Variants in ANKH observed in about 807,000 individuals in gnomAD.
ANKH encodes the protein mineralization regulator ANKH.
Under a neutral mutation model 49.0 loss-of-function variants are expected in ANKH, and 15 were observed. That is an observed-to-expected ratio of 0.31 (90% confidence interval 0.20 to 0.47). The LOEUF (loss-of-function observed/expected upper bound fraction) is 0.47. Among genes scored for constraint, ANKH ranks in the 20% least tolerant of loss-of-function variants. The pLI, the probability that ANKH is intolerant of heterozygous loss-of-function variation, is 1.00. For missense variants in ANKH, 429 were observed against 652.0 expected (o/e 0.66, Z 3.72); for synonymous variants, 273 against 260.0 (o/e 1.05, Z -0.48).
At chr5:14,833,897 C>A (rs911244170) in intron 1 of ANKH, among the ~76,000 whole-genome samples, 2 of 152,172 alleles carry the variant, frequency 1.3e-5, no homozygotes, top group African/African-American at 2.4e-5. Context: ...CATATTAAAA[C>A]CCTTTTCAGT....
At chr5:14,843,690 C>A (rs994107289) in intron 1 of ANKH, among the ~76,000 whole-genome samples, 4 of 152,008 alleles carry the variant, frequency 2.6e-5, no homozygotes, top group Admixed American at 6.6e-5. Context: ...GCTTAACATG[C>A]GTTTCTCTCC....
chr5:14,798,512 A>T, intron 1 of ANKH: 1 of 838,696 alleles, frequency 1.2e-6, no homozygotes. Flanking sequence ...TAATTAACAA[A>T]TTGAAGGTTT....
intron 1 of ANKH, among the ~76,000 whole-genome samples, chr5:14,778,706 A>G (rs1044978079): frequency 6.6e-6 from 1 of 151,966 alleles, no homozygotes; most frequent in African/African-American, 2.4e-5. Flanking sequence ...TGCAGCCTAC[A>G]CTTCAGGGTC....
At chr5:14,749,120 C>A in intron 6 of ANKH, 52 bp downstream of exon 6, 3 of 1,613,084 alleles carry the variant, frequency 1.9e-6, no homozygotes, top group Non-Finnish European at 2.5e-6. Context: ...TTCAGCACCC[C>A]CCTGCCCCAC....
chr5:14,819,900 T>TACACAC (rs57977744), intron 1 of ANKH, among the ~76,000 whole-genome samples: 2,513 of 145,472 alleles, frequency 0.017, 42 homozygotes, highest in African/African-American at 0.045. Flanking sequence ...AACAAAAATA[T>TACACAC]ACACACACAC....
At chr5:14,742,644 T>C (rs896220259) in intron 7 of ANKH, among the ~76,000 whole-genome samples, 2 of 152,212 alleles carry the variant, frequency 1.3e-5, no homozygotes, top group Admixed American at 1.3e-4. Context: ...GCAGGCATCA[T>C]GTCCTGTCAT....
At chr5:14,711,398 T>TG in intron 11 of ANKH, 88 bp from the exon 12 acceptor site, 1 of 1,153,280 alleles carries the variant, frequency 8.7e-7, no homozygotes, top group Non-Finnish European at 1.3e-6. Flanking sequence ...ACCGGGGTCT[T>TG]GGGGGACCCC....
At chr5:14,716,579 G>T (rs1737470945) in intron 9 of ANKH, 127 bp downstream of exon 9, 2 of 1,259,926 alleles carry the variant, frequency 1.6e-6, no homozygotes. Flanking sequence ...TAATGTTTTT[G>T]CATCTTTCTA....
intron 1 of ANKH, among the ~76,000 whole-genome samples, chr5:14,799,903 G>A (rs1208317198): frequency 6.6e-6 from 1 of 152,134 alleles, no homozygotes; most frequent in Non-Finnish European, 1.5e-5. Context: ...GGCTATAGCT[G>A]CCATAGACAG....
intron 1 of ANKH, among the ~76,000 whole-genome samples, chr5:14,771,060 T>C (rs866195626): frequency 6.4e-4 from 97 of 152,362 alleles, no homozygotes; most frequent in Admixed American, 5.4e-3. Context: ...CCTACAAATA[T>C]ATGGTTATAG....
chr5:14,734,166 G>A (rs1217964760), intron 8 of ANKH, among the ~76,000 whole-genome samples: 1 of 152,004 alleles, frequency 6.6e-6, no homozygotes, highest in Non-Finnish European at 1.5e-5. Context: ...TAACTTCCTC[G>A]TAAAGCAACC....
chr5:14,797,843 G>T lies in ANKH; in HGVS notation c.97-28652C>A, dbSNP rs1374425479. 4.3e-6 allele frequency: 7 copies of T among 1,611,642 alleles called. No homozygotes were observed. The East Asian group carries it at 1.1e-4, about 26-fold the overall frequency. On this transcript the variant is annotated intron_variant, in intron 1 of 11. Transcript: ENST00000284268. ...TAAGTAAGTGCCCACTGAGATTTAG[G>T]TTCCAAGAAAGCCCATAGCCTTCCT...
At chr5:14,741,615 A>T in intron 8 of ANKH, 1 of 551,362 alleles carries the variant, frequency 1.8e-6, no homozygotes, top group Non-Finnish European at 3.3e-6. Flanking sequence ...AGTCCCAAGA[A>T]ATGCCTGAAG....
chr5:14,847,385 A>G (rs936736921), intron 1 of ANKH, among the ~76,000 whole-genome samples: 1 of 152,190 alleles, frequency 6.6e-6, no homozygotes, highest in Non-Finnish European at 1.5e-5. Context: ...TCCTGACTAT[A>G]TTGAGTCCTG....
At chr5:14,734,769 A>C (rs1738120352) in intron 8 of ANKH, among the ~76,000 whole-genome samples, 1 of 152,264 alleles carries the variant, frequency 6.6e-6, no homozygotes, top group African/African-American at 2.4e-5. Context: ...GGTTCTTGGC[A>C]GAACACGGGT....
chr5:14,817,693 G>A (rs2126582021), intron 1 of ANKH, among the ~76,000 whole-genome samples: 1 of 152,304 alleles, frequency 6.6e-6, no homozygotes, highest in East Asian at 1.9e-4. Flanking sequence ...TCTGTCTAGA[G>A]AATGTTCCCT....
chr5:14,813,908 C>A (rs570326507), intron 1 of ANKH, among the ~76,000 whole-genome samples: 3 of 152,272 alleles, frequency 2.0e-5, no homozygotes, highest in African/African-American at 7.2e-5. Flanking sequence ...ACCAATGCTC[C>A]CACATCCCAT....
Position 14,710,775 on chromosome 5 carries a change from CTGTTGATTCTT to C in ANKH, c.*411_*421del, listed in dbSNP as rs1275574015. ...AAATCAAAGGAAGCCGAGTTTTAAC[CTGTTGATTCTT>C]AAGAGCGATGAAGGGGGACAGGAGA... On this transcript the variant is annotated 3_prime_UTR_variant, in exon 12 of 12. Transcript: ENST00000284268. The C allele has an allele frequency of 9.7e-6, 2 of 205,676 alleles. No homozygotes were observed. The highest frequency in any genetic ancestry group is 2.0e-5 in the Non-Finnish European group (2 of 99,602). The allele number at this position is 205,676 out of a possible 1,614,324, so 12.7% of individuals were successfully genotyped here. A position where few individuals can be genotyped will look rare whatever the true frequency, so the allele number is the denominator to read the frequency against.
chr5:14,806,512 C>A (rs1302841513), intron 1 of ANKH, among the ~76,000 whole-genome samples: 2 of 152,136 alleles, frequency 1.3e-5, no homozygotes, highest in Non-Finnish European at 2.9e-5. Flanking sequence ...CCCATTCACA[C>A]TACAAACCCT....
Sources: gnomAD v4.1 joint callset for allele counts (sites outside exome capture counted in the v4.1 genomes callset) on GRCh38, gnomAD v4.1.1 for gene constraint, MANE v1.5 for transcripts, NCBI Gene and HGNC (gene_info 2026-07-23, HGNC 2026-07-21) for gene names.